Variants in ABCA3 observed in about 807,000 individuals in gnomAD.
ABCA3 encodes ATP binding cassette subfamily A member 3.
Under a neutral mutation model 172.8 loss-of-function variants are expected in ABCA3, and 88 were observed. The ratio of observed to expected loss-of-function variants is 0.51; its 90% confidence interval spans 0.43 to 0.61. The LOEUF (loss-of-function observed/expected upper bound fraction) is 0.61, where lower values mean the gene tolerates loss of function less well. Among genes scored for constraint, ABCA3 ranks in the 20% least tolerant of loss-of-function variants. The pLI is 0.00. For synonymous variants in ABCA3, 1,066 were observed against 983.8 expected (o/e 1.08, Z -1.56); for missense variants, 2,164 against 2,301.0 (o/e 0.94, Z 1.22).
At chr16:2,312,192 T>C (rs1039848261) in intron 10 of ABCA3, among the ~76,000 whole-genome samples, 2 of 152,204 alleles carry the variant, frequency 1.3e-5, no homozygotes, top group African/African-American at 2.4e-5. Context: ...AACTGCAGTA[T>C]TGATGTCAGA....
chr16:2,278,815 C>A lies in ABCA3; in HGVS notation c.4547+128G>T. Reference sequence around the variant, plus strand: ...AGCTACCTGGGTCACACCACCACATCCCAGCTCCATCCTGGAGCCACAAGC... The same window carrying A: ...AGCTACCTGGGTCACACCACCACATACCAGCTCCATCCTGGAGCCACAAGC... On this transcript the variant is annotated intron_variant, in intron 29 of 32. Transcript: ENST00000301732. The surrounding 1 kb of genome is among the most constrained non-coding windows in gnomAD (Gnocchi z 4.4). 1 of 1,413,856 alleles carries A rather than the reference C, an allele frequency of 7.1e-7. No homozygotes were observed. Among genetic ancestry groups the A allele is most frequent in the Non-Finnish European group, 9.8e-7 (1 of 1,016,532 alleles). The allele number at this position is 1,413,856 out of a possible 1,614,324, so 87.6% of individuals were successfully genotyped here.
intron 10 of ABCA3, among the ~76,000 whole-genome samples, chr16:2,310,454 C>G (rs538432691): frequency 2.0e-5 from 3 of 151,716 alleles, no homozygotes; most frequent in South Asian, 2.1e-4. Context: ...AAAACACCCA[C>G]ACACACACAC....
intron 13 of ABCA3, 25 bp downstream of exon 13, chr16:2,299,980 T>A (rs1413604428): frequency 6.2e-7 from 1 of 1,611,558 alleles, no homozygotes; most frequent in Non-Finnish European, 8.5e-7. Context: ...GCCCCGGCCC[T>A]CCCTGTCCCC....
At chr16:2,315,597 C>G (rs1037845575) in intron 10 of ABCA3, among the ~76,000 whole-genome samples, 1 of 152,138 alleles carries the variant, frequency 6.6e-6, no homozygotes, top group East Asian at 1.9e-4. Context: ...GCCAGGTACA[C>G]GAAAATCACG....
Position 2,326,394 on chromosome 16 carries a change from CT to C in ABCA3, c.54+18del. On this transcript the variant is annotated intron_variant, in intron 4 of 32. Transcript: ENST00000301732. Reference sequence around the variant, plus strand: ...TGGGCTAGGCACGCAGCTGACCTCCCTCCAGAGTCTGGACGCACCTGCAGGG... The same window carrying C: ...TGGGCTAGGCACGCAGCTGACCTCCCCCAGAGTCTGGACGCACCTGCAGGG... The C allele has an allele frequency of 6.2e-7, 1 of 1,612,752 alleles. No homozygotes were observed. Among genetic ancestry groups the C allele is most frequent in the Non-Finnish European group, 8.5e-7 (1 of 1,179,686 alleles).
chr16:2,303,749 G>A (rs1596848433), intron 12 of ABCA3, among the ~76,000 whole-genome samples: 1 of 152,164 alleles, frequency 6.6e-6, no homozygotes, highest in East Asian at 1.9e-4. Flanking sequence ...AGGCTCTGAA[G>A]CGGAAGGATT....
Position 2,286,806 on chromosome 16 carries a change from C to T in ABCA3, c.3166G>A (p.Val1056Ile), listed in dbSNP as rs34671771. The change falls in exon 22 of 33, where the codon GTC becomes ATC. Residue 1056 changes from valine to isoleucine, a missense_variant. By Grantham distance (29) the Val-to-Ile change is conservative. This residue lies in a region of ABCA3 where 26 missense variants were observed against 49.5 expected (regional missense o/e 0.53). Transcript: ENST00000301732. The surrounding 1 kb of genome is among the most constrained non-coding windows in gnomAD (Gnocchi z 5.2). The part of the protein sequence containing the change: ...AYHSPATALA[V>I]VDNLLFKLLC... Reference sequence around the variant, plus strand: ...AGCTTGAACAGAAGGTTGTCCACGACGGCCAGGGCAGTGGCTGGAGAGTGG... The same window carrying T: ...AGCTTGAACAGAAGGTTGTCCACGATGGCCAGGGCAGTGGCTGGAGAGTGG... 454 of 1,614,152 alleles carry T rather than the reference C, an allele frequency of 2.8e-4. 1 individual carries two copies. In the African/African-American group the frequency reaches 4.4e-3, roughly 15 times the overall value.
At chr16:2,300,327 G>A (rs2093686975) in intron 12 of ABCA3, among the ~76,000 whole-genome samples, 179 bp from the exon 13 acceptor site, 1 of 151,850 alleles carries the variant, frequency 6.6e-6, no homozygotes, top group Non-Finnish European at 1.5e-5. Flanking sequence ...TCATCCCTGT[G>A]AAGGCTCTAA....
In ABCA3 at chr16:2,284,561, G is replaced by C; in HGVS notation, c.3704-124C>G. On this transcript the variant is annotated intron_variant, in intron 24 of 32. Coordinates refer to ENST00000301732, the MANE Select transcript of ABCA3 (RefSeq NM_001089.3). This position sits in a 1 kb window ranked among gnomAD's most constrained non-coding sequence, Gnocchi z 5.9. ...GTGTGGAGTGAGGGGGCACCTCCCA[G>C]GGACGCCCCTGCCGGCTCTGCACAG... The C allele has an allele frequency of 7.0e-7, 1 of 1,430,230 alleles. No individual in the cohort carries two copies. The highest frequency in any genetic ancestry group is 9.8e-7 in the Non-Finnish European group (1 of 1,022,502). 88.6% of individuals were successfully genotyped at this position (1,430,230 alleles called of 1,614,324 possible).
At chr16:2,320,640 C>G (rs1482006037) in intron 7 of ABCA3, among the ~76,000 whole-genome samples, 1 of 151,390 alleles carries the variant, frequency 6.6e-6, no homozygotes, top group Admixed American at 6.6e-5. Flanking sequence ...CTCAGGTGAT[C>G]TGCCTGCCTC....
In ABCA3 at chr16:2,319,676, G is replaced by C; in HGVS notation, c.778C>G (p.Gln260Glu). The C allele has an allele frequency of 6.2e-7, 1 of 1,613,912 alleles. No individual in the cohort carries two copies. ...AGCAGCAGCAGGGGCAGCTGGTACT[G>C]GATGGCCACGAGGAAGGGGTCTGCG... ...FIADPFLVAIQYQLPLLLLLS... is the reference protein window; with the variant it reads ...FIADPFLVAIEYQLPLLLLLS... The change falls in exon 8 of 33, where the codon CAG becomes GAG. Residue 260 changes from glutamine to glutamate, a missense_variant. By Grantham distance (29) the Gln-to-Glu change is conservative. Transcript: ENST00000301732.
intron 1 of ABCA3, among the ~76,000 whole-genome samples, chr16:2,335,599 A>T (rs939232132): frequency 1.3e-5 from 2 of 152,068 alleles, no homozygotes; most frequent in African/African-American, 4.8e-5. Context: ...ACTTGGACAG[A>T]CCCTGGTGTT....
chr16:2,302,052 G>A (rs933846179), intron 12 of ABCA3, among the ~76,000 whole-genome samples: 1 of 152,262 alleles, frequency 6.6e-6, no homozygotes, highest in Non-Finnish European at 1.5e-5. Flanking sequence ...TGTTCCTGCT[G>A]CAAGTAATTC....
intron 5 of ABCA3, among the ~76,000 whole-genome samples, chr16:2,324,930 G>A (rs1178913480): frequency 1.3e-5 from 2 of 152,158 alleles, no homozygotes; most frequent in African/African-American, 2.4e-5. Flanking sequence ...GTGTCTCAAA[G>A]GCTTTTTCTA....
intron 3 of ABCA3, among the ~76,000 whole-genome samples, chr16:2,326,919 CG>C: frequency 6.6e-6 from 1 of 152,208 alleles, no homozygotes; most frequent in Non-Finnish European, 1.5e-5. Context: ...ACCCGGGAGG[CG>C]GGGGTTGCAG....
At chr16:2,293,056 T>C (rs2093674566) in intron 18 of ABCA3, among the ~76,000 whole-genome samples, 2 of 152,270 alleles carry the variant, frequency 1.3e-5, no homozygotes, top group Admixed American at 6.5e-5. Context: ...TACCTTTTTT[T>C]TTCTTTTTTT....
chr16:2,285,117 T>G lies in ABCA3; in HGVS notation c.3484-119A>C. The G allele has an allele frequency of 8.5e-7, 1 of 1,174,696 alleles. No individual in the cohort carries two copies. The allele number at this position is 1,174,696 out of a possible 1,614,324, so 72.8% of individuals were successfully genotyped here. ...ACCCCTCCCGGTCAGCTGGCCCATG[T>G]CCATCAGCCCCACAGGCCACGTCTG... On this transcript the variant is annotated intron_variant, in intron 23 of 32. Coordinates refer to ENST00000301732, the MANE Select transcript of ABCA3 (RefSeq NM_001089.3). The surrounding 1 kb of genome is among the most constrained non-coding windows in gnomAD (Gnocchi z 4.7).
intron 10 of ABCA3, among the ~76,000 whole-genome samples, chr16:2,309,265 C>G (rs2093702857): frequency 6.6e-6 from 1 of 152,058 alleles, no homozygotes; most frequent in Non-Finnish European, 1.5e-5. Context: ...CCCACTTCTG[C>G]CTGGGTTGCC....
rs1388550764 is a variant in ABCA3, at chr16:2,287,862, T to G, written c.3004+164A>C. ...TTCCAGGCATGTTTGATGGTCATGA[T>G]GGGGTGGGGCAAGGTCAGGGATGCT... On this transcript the variant is annotated intron_variant, in intron 21 of 32. Coordinates refer to ENST00000301732, the MANE Select transcript of ABCA3 (RefSeq NM_001089.3). This position sits in a 1 kb window ranked among gnomAD's most constrained non-coding sequence, Gnocchi z 4.1. Among the ~76,000 whole-genome samples, 1 of 152,170 alleles carries G rather than the reference T, an allele frequency of 6.6e-6. No homozygotes were observed. The highest frequency in any genetic ancestry group is 6.5e-5 in the Admixed American group (1 of 15,284).
Sources: allele counts gnomAD v4.1 joint callset (sites outside exome capture counted in the v4.1 genomes callset), GRCh38; gene constraint gnomAD v4.1.1; regional missense constraint gnomAD v4.1.1; non-coding constraint Gnocchi (gnomAD v3.1); transcripts MANE v1.5; gene names NCBI Gene and HGNC (gene_info 2026-07-23, HGNC 2026-07-21).